The following IPO11 variants were observed in gnomAD, a reference collection of about 807,000 sequenced individuals.
IPO11 encodes importin 11.
IPO11 carries 66 observed loss-of-function variants against 143.2 expected under a neutral mutation model. The observed-to-expected ratio is 0.46, with a 90% confidence interval of 0.38 to 0.57. The LOEUF is 0.57. Among genes scored for constraint, IPO11 ranks in the 20% least tolerant of loss-of-function variants. The pLI, the probability that IPO11 is intolerant of heterozygous loss-of-function variation, is 0.00. For synonymous variants in IPO11, 385 were observed against 377.8 expected (o/e 1.02, Z -0.22); for missense variants, 1,026 against 1,141.0 (o/e 0.90, Z 1.45).
In IPO11 at chr5:62,505,361, T is replaced by C. The variant is rs909647300; in HGVS notation, c.1665+463T>C. ...ACTCAACCCCCAGCACCTAACATGG[T>C]GTTTTGCCATAACTGGTACTCAGTA... On this transcript the variant is annotated intron_variant, in intron 18 of 29. Transcript: ENST00000325324. Among the ~76,000 whole-genome samples, 8 of 152,244 alleles carry C rather than the reference T, an allele frequency of 5.3e-5. No homozygotes were observed. In the East Asian group the frequency reaches 1.5e-3, roughly 29 times the overall value.
intron 16 of IPO11, among the ~76,000 whole-genome samples, chr5:62,498,820 A>AGATCAAACCACCAT (rs1741243290): frequency 6.6e-6 from 1 of 152,230 alleles, no homozygotes; most frequent in Non-Finnish European, 1.5e-5. Flanking sequence ...CAGTGAGCCG[A>AGATCAAACCACCAT]GATCAAACCA....
At chr5:62,495,805 T>G (rs1368853028) in intron 16 of IPO11, among the ~76,000 whole-genome samples, 1 of 152,130 alleles carries the variant, frequency 6.6e-6, no homozygotes, top group Non-Finnish European at 1.5e-5. Context: ...TGTTTTATAA[T>G]GAGTCTATTA....
intron 19 of IPO11, among the ~76,000 whole-genome samples, chr5:62,508,599 TC>T (rs1741643918): frequency 6.6e-6 from 1 of 151,094 alleles, no homozygotes; most frequent in South Asian, 2.1e-4. Flanking sequence ...TTCCTCCCTT[TC>T]TCCCTCCCTC....
At chr5:62,451,540 A>G (rs1259060225) in intron 4 of IPO11, among the ~76,000 whole-genome samples, 190 bp from the exon 5 acceptor site, 1 of 152,196 alleles carries the variant, frequency 6.6e-6, no homozygotes, top group Non-Finnish European at 1.5e-5. Context: ...GGAGGACCTC[A>G]TAGGTCCCAG....
chr5:62,588,995 C>G (rs569405345), intron 27 of IPO11, among the ~76,000 whole-genome samples: 1 of 124,232 alleles, frequency 8.0e-6, no homozygotes, highest in Non-Finnish European at 2.0e-5. Context: ...GGAACTTCTG[C>G]TTCCCACTGT....
chr5:62,560,877 C>T (rs1743745988), intron 26 of IPO11: 1 of 244,012 alleles, frequency 4.1e-6, no homozygotes, highest in African/African-American at 2.2e-5. Context: ...TTAAATGATA[C>T]TACTAAAATC....
At chr5:62,529,873 G>A (rs1300496463) in intron 21 of IPO11, among the ~76,000 whole-genome samples, 4 of 143,252 alleles carry the variant, frequency 2.8e-5, no homozygotes, top group South Asian at 4.1e-4. Flanking sequence ...ATAACCCACC[G>A]TGGATGTGTA....
chr5:62,454,379 G>A (rs543669993), intron 5 of IPO11, among the ~76,000 whole-genome samples: 2 of 152,034 alleles, frequency 1.3e-5, no homozygotes, highest in African/African-American at 2.4e-5. Flanking sequence ...TTTTTGTTGG[G>A]GAGAGTCTCA....
chr5:62,474,862 G>T (rs1013392441), intron 8 of IPO11, among the ~76,000 whole-genome samples: 2 of 152,190 alleles, frequency 1.3e-5, no homozygotes, highest in Non-Finnish European at 2.9e-5. Flanking sequence ...TAACAGGCAG[G>T]TAGTGTATAT....
intron 15 of IPO11, among the ~76,000 whole-genome samples, chr5:62,490,440 G>A (rs540267423): frequency 2.0e-5 from 3 of 152,276 alleles, no homozygotes; most frequent in Non-Finnish European, 2.9e-5. Context: ...AAAGATGAGG[G>A]AGGATGGAGG....
chr5:62,430,018 A>C lies in IPO11; in HGVS notation c.-6-7256A>C, dbSNP rs1161768648. Among the ~76,000 whole-genome samples, 3 of 152,118 alleles carry C rather than the reference A, an allele frequency of 2.0e-5. No individual in the cohort carries two copies. The South Asian group carries it at 6.2e-4, about 32-fold the overall frequency. On this transcript the variant is annotated intron_variant, in intron 1 of 29. Transcript: ENST00000325324. ...GGGATCTGCCCACCTTGGCCTCCCAAAGTGCTGGGATTATAGGCGTGAGCT... is the reference window on the plus strand; with the variant it reads ...GGGATCTGCCCACCTTGGCCTCCCACAGTGCTGGGATTATAGGCGTGAGCT...
intron 22 of IPO11, among the ~76,000 whole-genome samples, chr5:62,530,999 C>T (rs1742524156): frequency 6.6e-6 from 1 of 152,124 alleles, no homozygotes; most frequent in Non-Finnish European, 1.5e-5. Flanking sequence ...GAACATAGTA[C>T]CTAATAGTTT....
rs182596154 is a variant in IPO11, at chr5:62,574,540, A to G, written c.2582+13283A>G. The stretch of plus-strand genomic sequence containing the variant: ...GGTCAGAAGAGAGATTAGTGTTCCA[A>G]AGGTTTCATGTGGAGCCAGGGGAAA... On this transcript the variant is annotated intron_variant, in intron 27 of 29. Transcript: ENST00000325324. Among the ~76,000 whole-genome samples the G allele has an allele frequency of 2.0e-3, 298 of 152,274 alleles. 2 individuals carry two copies. The highest frequency in any genetic ancestry group is 3.6e-3 in the Non-Finnish European group (245 of 68,016).
chr5:62,566,816 A>G lies in IPO11; in HGVS notation c.2582+5559A>G, dbSNP rs566540110. 2.0e-5 allele frequency among the ~76,000 whole-genome samples: 3 copies of G among 151,850 alleles called. No individual in the cohort carries two copies. The South Asian group carries it at 6.2e-4, about 32-fold the overall frequency. ...AGTCACAATTAGAGTATAATTTTGA[A>G]TTTTTGTCTGTGTAGTTTAAAAAGA... On this transcript the variant is annotated intron_variant, in intron 27 of 29. Transcript: ENST00000325324.
intron 16 of IPO11, among the ~76,000 whole-genome samples, 193 bp downstream of exon 16, chr5:62,494,317 A>G (rs1741051614): frequency 6.6e-6 from 1 of 152,104 alleles, no homozygotes; most frequent in Non-Finnish European, 1.5e-5. Context: ...ATTACTAGTC[A>G]TTGAAAAAAA....
intron 6 of IPO11, among the ~76,000 whole-genome samples, chr5:62,469,453 A>C (rs543377818): frequency 6.6e-6 from 1 of 152,320 alleles, no homozygotes; most frequent in South Asian, 2.1e-4. Context: ...AGACCTCATA[A>C]ACACTATTTA....
At chr5:62,510,711 C>T (rs577111838) in intron 19 of IPO11, among the ~76,000 whole-genome samples, 156 of 152,164 alleles carry the variant, frequency 1.0e-3, no homozygotes, top group African/African-American at 3.6e-3. Context: ...CCTTTTATAT[C>T]TTTCACAGCA....
Position 62,529,797 on chromosome 5 carries a change from A to G in IPO11, c.2013-912A>G, listed in dbSNP as rs562020268. Among the ~76,000 whole-genome samples, 23 of 152,236 alleles carry G rather than the reference A, an allele frequency of 1.5e-4. No homozygotes were observed. In the East Asian group the frequency reaches 4.2e-3, roughly 28 times the overall value. ...TCCTTTCCTTGCTGCTGTTTCAACA[A>G]TCAAAACAGTCCTTGTTTTGAGGGT... On this transcript the variant is annotated intron_variant, in intron 21 of 29. Transcript: ENST00000325324.
chr5:62,615,798 A>G (rs553028466), intron 29 of IPO11, among the ~76,000 whole-genome samples: 1 of 152,312 alleles, frequency 6.6e-6, no homozygotes, highest in African/African-American at 2.4e-5. Context: ...TGGATGGGCT[A>G]AGGGAAAGGG....
Sources: gnomAD v4.1 joint callset for allele counts (sites outside exome capture counted in the v4.1 genomes callset) on GRCh38, gnomAD v4.1.1 for gene constraint, MANE v1.5 for transcripts, NCBI Gene and HGNC (gene_info 2026-07-23, HGNC 2026-07-21) for gene names.